Variants in KCNB2 observed in about 807,000 individuals in gnomAD.
KCNB2 encodes the protein potassium voltage-gated channel subfamily B member 2, also known as delayed rectifier potassium channel protein.
Under a neutral mutation model 61.5 loss-of-function variants are expected in KCNB2, and 15 were observed. The ratio of observed to expected loss-of-function variants is 0.24; its 90% CI spans 0.16 to 0.38. KCNB2 has a LOEUF of 0.38. KCNB2 is among the 10% of genes least tolerant of loss of function. The pLI is 1.00. For missense variants in KCNB2, 828 were observed against 1,125.2 expected, an observed-to-expected ratio of 0.74 and a Z score of 3.78; for synonymous variants, 457 against 446.0, an observed-to-expected ratio of 1.02 and a Z score of -0.31.
At chr8:72,796,200 C>T (rs1298941396) in intron 2 of KCNB2, among the ~76,000 whole-genome samples, 3 of 152,052 alleles carry the variant, frequency 2.0e-5, no homozygotes, top group Non-Finnish European at 4.4e-5. Context: ...GTTTGTTTGT[C>T]GTGGGGTGAC....
At chr8:72,921,016 C>G (rs1806511406) in intron 2 of KCNB2, among the ~76,000 whole-genome samples, 1 of 152,046 alleles carries the variant, frequency 6.6e-6, no homozygotes. Flanking sequence ...AGTTCTGTCC[C>G]TTTTTGCAGA....
intron 2 of KCNB2, among the ~76,000 whole-genome samples, chr8:72,893,660 C>T (rs544339440): frequency 1.1e-4 from 16 of 152,222 alleles, no homozygotes; most frequent in African/African-American, 3.6e-4. Context: ...TAGCAGATAA[C>T]ACAAGAAAAA....
At chr8:72,830,598 C>A (rs1809678461) in intron 2 of KCNB2, among the ~76,000 whole-genome samples, 1 of 152,176 alleles carries the variant, frequency 6.6e-6, no homozygotes, top group Non-Finnish European at 1.5e-5. Flanking sequence ...TGGTAACATT[C>A]CATTTTAATA....
intron 2 of KCNB2, among the ~76,000 whole-genome samples, chr8:72,832,721 G>A (rs1809719341): frequency 6.6e-6 from 1 of 152,178 alleles, no homozygotes; most frequent in South Asian, 2.1e-4. Flanking sequence ...TACTGCAATA[G>A]CAGTAACCAG....
At chr8:72,594,438 A>C (rs991593580) in intron 2 of KCNB2, among the ~76,000 whole-genome samples, 1 of 152,188 alleles carries the variant, frequency 6.6e-6, no homozygotes, top group African/African-American at 2.4e-5. Context: ...CTTGTGATGA[A>C]TAGTCTTGGA....
intron 2 of KCNB2, among the ~76,000 whole-genome samples, chr8:72,723,891 T>C (rs951398007): frequency 6.6e-6 from 1 of 152,298 alleles, no homozygotes; most frequent in East Asian, 1.9e-4. Flanking sequence ...AGCCGTGACT[T>C]GTTAAATTAG....
intron 2 of KCNB2, among the ~76,000 whole-genome samples, chr8:72,867,928 T>G (rs1805556482): frequency 6.6e-6 from 1 of 152,104 alleles, no homozygotes. Context: ...TTTTACCTCA[T>G]AAGGATGACA....
Position 72,744,202 on chromosome 8 carries a change from C to G in KCNB2, c.579+175889C>G, listed in dbSNP as rs184883955. Among the ~76,000 whole-genome samples the G allele has an allele frequency of 1.4e-4, 21 of 152,172 alleles. No individual in the cohort carries two copies. The East Asian group carries it at 4.1e-3, about 29-fold the overall frequency. ...CCAAGTGCAGGACTTTGAATGAGAC[C>G]TAGTAGAGAGCAGAAGGAGCCACAG... On this transcript the variant is annotated intron_variant, in intron 2 of 2. Transcript: ENST00000523207.
In KCNB2 at chr8:72,705,231, G is replaced by A. The variant is rs558900287; in HGVS notation, c.579+136918G>A. Reference sequence around the variant, plus strand: ...AGCTTGAGCTATTTACCAGTAGGGTGATTTGGCTGAAGATTTGTTATCCCT... The same window carrying A: ...AGCTTGAGCTATTTACCAGTAGGGTAATTTGGCTGAAGATTTGTTATCCCT... On this transcript the variant is annotated intron_variant, in intron 2 of 2. Coordinates refer to ENST00000523207, the MANE Select transcript of KCNB2 (RefSeq NM_004770.3). 3.3e-5 allele frequency among the ~76,000 whole-genome samples: 5 copies of A among 152,320 alleles called. No homozygotes were observed. The East Asian group carries it at 9.7e-4, about 29-fold the overall frequency.
intron 2 of KCNB2, among the ~76,000 whole-genome samples, chr8:72,714,178 G>A (rs918936548): frequency 4.6e-5 from 7 of 152,194 alleles, no homozygotes; most frequent in Non-Finnish European, 7.3e-5. Flanking sequence ...CCAAATCTAC[G>A]TCTGATTGGT....
intron 2 of KCNB2, among the ~76,000 whole-genome samples, chr8:72,918,915 C>T (rs926802298): frequency 1.3e-5 from 2 of 152,142 alleles, no homozygotes; most frequent in African/African-American, 4.8e-5. Context: ...ATTTAGAAAA[C>T]CTAGAAGTCT....
intron 2 of KCNB2, among the ~76,000 whole-genome samples, chr8:72,818,115 GA>G (rs982658886): frequency 1.3e-5 from 2 of 151,654 alleles, no homozygotes; most frequent in South Asian, 4.2e-4. Context: ...CCACAAAATG[GA>G]AAAAAATCCT....
At chr8:72,545,270 CT>C (rs529926800) in intron 1 of KCNB2, among the ~76,000 whole-genome samples, 57 of 152,188 alleles carry the variant, frequency 3.7e-4, no homozygotes, top group Admixed American at 2.5e-3. Context: ...ACAGGCATAC[CT>C]CATTTTTATG....
intron 2 of KCNB2, among the ~76,000 whole-genome samples, chr8:72,856,059 T>C (rs1357587763): frequency 2.0e-5 from 3 of 152,182 alleles, no homozygotes; most frequent in Non-Finnish European, 4.4e-5. Flanking sequence ...TGAACAGTTT[T>C]AATCTGCAGG....
intron 2 of KCNB2, among the ~76,000 whole-genome samples, chr8:72,708,470 G>A (rs1185856645): frequency 6.6e-6 from 1 of 152,174 alleles, no homozygotes; most frequent in Non-Finnish European, 1.5e-5. Flanking sequence ...CTATGGTCTG[G>A]AAGTTGCCAT....
At chr8:72,649,990 G>A (rs1806189291) in intron 2 of KCNB2, among the ~76,000 whole-genome samples, 1 of 152,136 alleles carries the variant, frequency 6.6e-6, no homozygotes. Flanking sequence ...CTACTAAAGG[G>A]AGCAACAGGG....
intron 2 of KCNB2, among the ~76,000 whole-genome samples, chr8:72,659,131 A>G (rs2128987115): frequency 6.6e-6 from 1 of 152,248 alleles, no homozygotes; most frequent in Non-Finnish European, 1.5e-5. Flanking sequence ...TAAATTGAAA[A>G]CCTTCTGGAA....
At chr8:72,639,043 T>A (rs1207845077) in intron 2 of KCNB2, among the ~76,000 whole-genome samples, 3 of 152,180 alleles carry the variant, frequency 2.0e-5, no homozygotes, top group African/African-American at 7.2e-5. Flanking sequence ...TAAAGCTCCC[T>A]CCTTCTACCT....
intron 2 of KCNB2, among the ~76,000 whole-genome samples, chr8:72,824,479 C>T (rs1220361438): frequency 6.6e-6 from 1 of 152,126 alleles, no homozygotes; most frequent in Non-Finnish European, 1.5e-5. Flanking sequence ...AGGTGTGCCA[C>T]CAGACCGCTG....
Sources: gnomAD v4.1 joint callset for allele counts (sites outside exome capture counted in the v4.1 genomes callset) on GRCh38, gnomAD v4.1.1 for gene constraint, MANE v1.5 for transcripts, NCBI Gene and HGNC (gene_info 2026-07-23, HGNC 2026-07-21) for gene names.